Variants in ZBTB26 observed in about 807,000 individuals in gnomAD.
ZBTB26 encodes the protein zinc finger and BTB domain containing 26.
In ZBTB26, 12 loss-of-function variants were observed where a neutral mutation model predicts 31.6. The ratio of observed to expected loss-of-function variants is 0.38; its 90% CI spans 0.24 to 0.61. The LOEUF is 0.61. Among genes scored for constraint, ZBTB26 ranks in the 20% least tolerant of loss-of-function variants. The probability of loss-of-function intolerance (pLI) is 0.60; values close to 1 mark genes in which losing one functional copy is unlikely to be tolerated. For missense variants in ZBTB26, 311 were observed against 521.9 expected (o/e 0.60, Z 3.94); for synonymous variants, 155 against 182.9 (o/e 0.85, Z 1.23).
Position 122,920,465 on chromosome 9 carries a change from C to T in ZBTB26, c.-10-521G>A, listed in dbSNP as rs564438093. On this transcript the variant is annotated intron_variant, in intron 1 of 1. Transcript: ENST00000373656. ...AAACTGGTCTCTGAAGAAGAGAGAA[C>T]CTACAGCAAACATGGGTTCCTTTGC... Among the ~76,000 whole-genome samples the T allele has an allele frequency of 5.9e-5, 9 of 152,324 alleles. No individual in the cohort carries two copies. In the South Asian group the frequency reaches 1.9e-3, roughly 32 times the overall value.
intron 1 of ZBTB26, among the ~76,000 whole-genome samples, chr9:122,928,825 A>G (rs1428804177): frequency 6.6e-6 from 1 of 152,226 alleles, no homozygotes; most frequent in Non-Finnish European, 1.5e-5. Context: ...CTAAACTTCA[A>G]TAAGCCAAAA....
intron 1 of ZBTB26, among the ~76,000 whole-genome samples, chr9:122,930,044 T>G (rs1833245539): frequency 6.6e-6 from 1 of 152,146 alleles, no homozygotes; most frequent in Non-Finnish European, 1.5e-5. Context: ...TTTTTCAAAA[T>G]TCTCTTCCTG....
At chr9:122,925,884 C>G (rs745345108) in intron 1 of ZBTB26, among the ~76,000 whole-genome samples, 53 of 151,956 alleles carry the variant, frequency 3.5e-4, no homozygotes, top group Non-Finnish European at 6.0e-4. Context: ...CCTCAGCCTC[C>G]CCAGTAGCTG....
At chr9:122,920,167 A>G (rs184284691) in intron 1 of ZBTB26, among the ~76,000 whole-genome samples, 67 of 152,340 alleles carry the variant, frequency 4.4e-4, no homozygotes, top group African/African-American at 1.6e-3. Flanking sequence ...GCAGACTTGT[A>G]TTTGTGTAAA....
chr9:122,926,301 T>G (rs963804895), intron 1 of ZBTB26, among the ~76,000 whole-genome samples: 1 of 151,314 alleles, frequency 6.6e-6, no homozygotes, highest in Non-Finnish European at 1.5e-5. Flanking sequence ...GATCATGAGG[T>G]CAGGAGATCG....
In ZBTB26 at chr9:122,918,418, AAAT is replaced by A; in HGVS notation, c.*188_*190del. ...TACAAGATAAATAACTCAAAACAGA[AAAT>A]GGGAGAGGGCAAAAGTAAGGCAAAT... On this transcript the variant is annotated 3_prime_UTR_variant, in exon 2 of 2. Transcript: ENST00000373656. 1 of 714,412 alleles carries A rather than the reference AAAT, an allele frequency of 1.4e-6. No homozygotes were observed. Among genetic ancestry groups the A allele is most frequent in the Non-Finnish European group, 2.2e-6 (1 of 454,608 alleles). 44.3% of individuals were successfully genotyped at this position (714,412 alleles called of 1,614,324 possible).
intron 1 of ZBTB26, among the ~76,000 whole-genome samples, chr9:122,930,191 C>A (rs546547566): frequency 6.6e-6 from 1 of 152,296 alleles, no homozygotes; most frequent in Non-Finnish European, 1.5e-5. Flanking sequence ...TCTCATTAGA[C>A]CTTTAATTCA....
At position 122,918,854 on chromosome 9, in the gene ZBTB26, T is replaced by G; in HGVS notation, c.1081A>C (p.Met361Leu). 1 of 1,614,234 alleles carries G rather than the reference T, an allele frequency of 6.2e-7. No homozygotes were observed. The highest frequency in any genetic ancestry group is 8.5e-7 in the Non-Finnish European group (1 of 1,180,040). ...DKPHKCNYCD[M>L]VFAHKPVLRK... ...AAAACTGGTTTATGTGCAAAAACCA[T>G]ATCACAATAGTTACATTTATGGGGC... The change falls in exon 2 of 2, where the codon ATG becomes CTG. Residue 361 changes from methionine (M) to leucine (L), a missense_variant. By Grantham distance (15) the Met-to-Leu change is conservative (BLOSUM62 2). This residue lies in a region of ZBTB26 where 25 missense variants were observed against 93.0 expected (regional missense o/e 0.27). Transcript: ENST00000373656.
chr9:122,925,874 C>A (rs1833170020), intron 1 of ZBTB26, among the ~76,000 whole-genome samples: 1 of 151,234 alleles, frequency 6.6e-6, no homozygotes, highest in Middle Eastern at 3.2e-3. Context: ...GATTCTCCTG[C>A]CTCAGCCTCC....
chr9:122,918,683 T>C lies in ZBTB26; in HGVS notation c.1252A>G (p.Thr418Ala), dbSNP rs541158877. ...SKGCQPQPDA[T>A]QVLDAGKLAQ... ...AGTTTACCTGCATCCAGGACCTGTG[T>C]TGCATCGGGTTGTGGCTGACACCCT... Residue 418 changes from threonine (T) to alanine (A), a missense_variant, in exon 2 of 2, where the codon ACA (threonine) becomes GCA (alanine). This residue lies in a region of ZBTB26 where 49 missense variants were observed against 66.0 expected (regional missense o/e 0.74). Transcript: ENST00000373656. The C allele has an allele frequency of 3.1e-6, 5 of 1,614,236 alleles. No individual in the cohort carries two copies. The highest frequency in any genetic ancestry group is 1.3e-5 in the African/African-American group (1 of 75,064).
intron 1 of ZBTB26, among the ~76,000 whole-genome samples, chr9:122,930,615 A>G (rs1425458498): frequency 6.6e-6 from 1 of 152,134 alleles, no homozygotes; most frequent in East Asian, 1.9e-4. Context: ...AAAACTACCC[A>G]TCTCCTTTAG....
chr9:122,918,563 T>C lies in ZBTB26; in HGVS notation c.*46A>G. 1 of 1,573,078 alleles carries C rather than the reference T, an allele frequency of 6.4e-7. No individual in the cohort carries two copies. The highest frequency in any genetic ancestry group is 8.6e-7 in the Non-Finnish European group (1 of 1,162,074). On this transcript the variant is annotated 3_prime_UTR_variant, in exon 2 of 2. Coordinates refer to ENST00000373656, the MANE Select transcript of ZBTB26 (RefSeq NM_020924.4). The stretch of plus-strand genomic sequence containing the variant: ...ATCACTCCTAAAAAGACTAAGACTA[T>C]TGCCACATTGTCAGTCAGTTCGAGT...
At chr9:122,923,638 T>C (rs10985824) in intron 1 of ZBTB26, among the ~76,000 whole-genome samples, 1,907 of 152,286 alleles carry the variant, frequency 0.013, 27 homozygotes, top group Non-Finnish European at 0.018. Flanking sequence ...TTAGCTGGTT[T>C]TGAAGGTGCC....
chr9:122,917,840 A>G lies in ZBTB26; in HGVS notation c.*769T>C, dbSNP rs118085479. ...CATCAACAAGTTACACATTAATTAT[A>G]AGCATATGGCCTCTTATGGGACATG... On this transcript the variant is annotated 3_prime_UTR_variant, in exon 2 of 2. Transcript: ENST00000373656. 3 of 152,208 alleles carry G rather than the reference A, an allele frequency of 2.0e-5. No individual in the cohort carries two copies. The highest frequency in any genetic ancestry group is 4.8e-5 in the African/African-American group (2 of 41,442). The allele number at this position is 152,208 out of a possible 1,614,324, so 9.4% of individuals were successfully genotyped here.
At position 122,922,503 on chromosome 9, in the gene ZBTB26, C is replaced by T. The variant is rs1833115873; in HGVS notation, c.-10-2559G>A. On this transcript the variant is annotated intron_variant, in intron 1 of 1. Coordinates refer to ENST00000373656, the MANE Select transcript of ZBTB26 (RefSeq NM_020924.4). ...ATCTTCTAAGACAAAATATTCTTTACTTTTGCTTTGAATTATATTATACTT... is the reference window on the plus strand; with the variant it reads ...ATCTTCTAAGACAAAATATTCTTTATTTTTGCTTTGAATTATATTATACTT... Among the ~76,000 whole-genome samples the T allele has an allele frequency of 2.6e-5, 4 of 152,328 alleles. No homozygotes were observed. The South Asian group carries it at 8.3e-4, about 32-fold the overall frequency.
intron 1 of ZBTB26, among the ~76,000 whole-genome samples, chr9:122,922,870 A>C (rs186510579): frequency 3.3e-4 from 51 of 152,244 alleles, no homozygotes; most frequent in Non-Finnish European, 6.9e-4. Context: ...TACATTTAGG[A>C]GTTCATTTGA....
chr9:122,931,031 A>T (rs551030389), intron 1 of ZBTB26: 10 of 152,370 alleles, frequency 6.6e-5, no homozygotes, highest in Non-Finnish European at 1.3e-4. Flanking sequence ...CAAATAGGGG[A>T]AAACCCCAGC....
chr9:122,925,245 C>A (rs1356007324), intron 1 of ZBTB26, among the ~76,000 whole-genome samples: 1 of 152,006 alleles, frequency 6.6e-6, no homozygotes, highest in South Asian at 2.1e-4. Flanking sequence ...TGGTGTCATG[C>A]GCCTGTAGTC....
intron 1 of ZBTB26, among the ~76,000 whole-genome samples, chr9:122,927,896 T>C (rs960645136): frequency 1.3e-5 from 2 of 152,110 alleles, no homozygotes; most frequent in Admixed American, 6.6e-5. Context: ...AGTGCAGTGG[T>C]GCAATCTTGG....
Sources: gnomAD v4.1 joint callset for allele counts (sites outside exome capture counted in the v4.1 genomes callset) on GRCh38, gnomAD v4.1.1 for gene constraint, gnomAD v4.1.1 regional missense constraint, MANE v1.5 for transcripts, NCBI Gene and HGNC (gene_info 2026-07-23, HGNC 2026-07-21) for gene names.